CFAP54: variants seen among roughly 807,000 people sequenced by gnomAD.
CFAP54 encodes the protein cilia- and flagella-associated protein 54.
Under a neutral mutation model 370.4 loss-of-function variants are expected in CFAP54, and 290 were observed. The observed-to-expected ratio is 0.78, with a 90% CI of 0.71 to 0.86. The LOEUF (loss-of-function observed/expected upper bound fraction) is 0.86, where lower values mean the gene tolerates loss of function less well. CFAP54 is among the 40% of genes least tolerant of loss of function. The pLI is 0.00. For synonymous variants in CFAP54, 1,206 were observed against 1,236.5 expected (o/e 0.98, Z 0.52); for missense variants, 3,399 against 3,528.7 (o/e 0.96, Z 0.93).
intron 39 of CFAP54, among the ~76,000 whole-genome samples, chr12:96,673,432 G>C (rs185146695): frequency 1.2e-4 from 18 of 152,304 alleles, no homozygotes; most frequent in Admixed American, 1.2e-3. Context: ...TACTGTGATA[G>C]TGTGGTAATT....
At chr12:96,819,472 G>A (rs1430866765) in intron 65 of CFAP54, among the ~76,000 whole-genome samples, 1 of 152,124 alleles carries the variant, frequency 6.6e-6, no homozygotes, top group Non-Finnish European at 1.5e-5. Context: ...AGAAATTATT[G>A]TTTTTTCTGG....
At chr12:96,694,047 T>G (rs1957415131) in intron 45 of CFAP54, among the ~76,000 whole-genome samples, 1 of 152,200 alleles carries the variant, frequency 6.6e-6, no homozygotes. Flanking sequence ...GAAATAAGGC[T>G]CACCCAACAC....
chr12:96,526,078 C>G (rs1955377562), intron 8 of CFAP54, among the ~76,000 whole-genome samples: 1 of 152,162 alleles, frequency 6.6e-6, no homozygotes, highest in South Asian at 2.1e-4. Flanking sequence ...GAAAGTAGTT[C>G]AAGGCAACTT....
At chr12:96,779,461 A>C (rs905386352) in intron 60 of CFAP54, among the ~76,000 whole-genome samples, 1 of 151,948 alleles carries the variant, frequency 6.6e-6, no homozygotes, top group Non-Finnish European at 1.5e-5. Flanking sequence ...CTATGAATAT[A>C]TTTGTATGTG....
intron 38 of CFAP54, among the ~76,000 whole-genome samples, chr12:96,659,496 A>G (rs555078587): frequency 1.2e-4 from 18 of 152,224 alleles, no homozygotes; most frequent in African/African-American, 3.9e-4. Context: ...GAAGAAAAAA[A>G]TAACTTTCAG....
chr12:96,656,717 T>G (rs1184666517), intron 36 of CFAP54, among the ~76,000 whole-genome samples: 3 of 152,196 alleles, frequency 2.0e-5, no homozygotes, highest in African/African-American at 7.2e-5. Context: ...TATTAGATAA[T>G]GTAATAACTA....
intron 67 of CFAP54, among the ~76,000 whole-genome samples, chr12:96,867,160 A>G (rs576204248): frequency 6.6e-6 from 1 of 152,202 alleles, no homozygotes; most frequent in East Asian, 1.9e-4. Context: ...TCTCTTTTTC[A>G]TAGACACATT....
intron 59 of CFAP54, among the ~76,000 whole-genome samples, chr12:96,764,461 A>G (rs1173690973): frequency 6.6e-6 from 1 of 152,122 alleles, no homozygotes; most frequent in African/African-American, 2.4e-5. Flanking sequence ...CATCTCTACA[A>G]AAAATTTAAA....
At chr12:96,868,183 C>T (rs994702411) in intron 67 of CFAP54, among the ~76,000 whole-genome samples, 3 of 152,106 alleles carry the variant, frequency 2.0e-5, no homozygotes, top group Non-Finnish European at 4.4e-5. Flanking sequence ...CACACTCATT[C>T]TATTTTGCAC....
chr12:96,729,126 G>C (rs55634348), intron 50 of CFAP54, among the ~76,000 whole-genome samples: 35,740 of 151,754 alleles, frequency 0.24, 4,348 homozygotes, highest in South Asian at 0.29. Context: ...CGGGGGTCAG[G>C]GGTCGGGGAC....
chr12:96,680,028 T>C (rs1001032756), intron 40 of CFAP54, among the ~76,000 whole-genome samples: 7 of 152,234 alleles, frequency 4.6e-5, no homozygotes, highest in Non-Finnish European at 8.8e-5. Context: ...TCTGTACATT[T>C]ATGTTCTTCT....
intron 26 of CFAP54, among the ~76,000 whole-genome samples, chr12:96,603,625 C>T (rs959657584): frequency 1.3e-5 from 2 of 152,188 alleles, no homozygotes; most frequent in Non-Finnish European, 2.9e-5. Flanking sequence ...TTCACATAGT[C>T]CCATATTTCT....
intron 32 of CFAP54, among the ~76,000 whole-genome samples, chr12:96,643,240 A>T (rs1232985642): frequency 6.6e-6 from 1 of 152,248 alleles, no homozygotes; most frequent in Non-Finnish European, 1.5e-5. Context: ...AAAGCAAATC[A>T]TCAATAAACT....
At chr12:96,552,672 G>A (rs921141641) in intron 15 of CFAP54, among the ~76,000 whole-genome samples, 2 of 152,102 alleles carry the variant, frequency 1.3e-5, no homozygotes, top group Non-Finnish European at 2.9e-5. Flanking sequence ...ATGTCCATTG[G>A]CAGAAGAGTG....
intron 63 of CFAP54, among the ~76,000 whole-genome samples, chr12:96,801,361 T>C (rs1481770779): frequency 6.6e-6 from 1 of 152,204 alleles, no homozygotes; most frequent in Non-Finnish European, 1.5e-5. Context: ...CATTACAAGC[T>C]ATTCATTGGA....
At position 96,718,422 on chromosome 12, in the gene CFAP54, CA is replaced by C; in HGVS notation, c.6725-17del. 1 of 1,262,414 alleles carries C rather than the reference CA, an allele frequency of 7.9e-7. No individual in the cohort carries two copies. The highest frequency in any genetic ancestry group is 1.5e-5 in the African/African-American group (1 of 67,390). The allele number at this position is 1,262,414 out of a possible 1,614,324, so 78.2% of individuals were successfully genotyped here. ...TAACCATAGATATCCTTGGTCCTTC[CA>C]AAATTTTGTGTCTTTATAGAGATAT... On this transcript the variant is annotated intron_variant, in intron 48 of 67. Transcript: ENST00000524981.
intron 5 of CFAP54, among the ~76,000 whole-genome samples, chr12:96,513,717 TG>T (rs1489113068): frequency 6.6e-6 from 1 of 151,972 alleles, no homozygotes; most frequent in East Asian, 1.9e-4. Context: ...CACTCTAGCC[TG>T]GGTGACAGAG....
intron 65 of CFAP54, among the ~76,000 whole-genome samples, chr12:96,825,806 TATA>T (rs1298621741): frequency 7.7e-6 from 1 of 130,292 alleles, no homozygotes; most frequent in Non-Finnish European, 1.5e-5. Context: ...TATTACATAT[TATA>T]ATATATAAAT....
chr12:96,753,774 G>A lies in CFAP54; in HGVS notation c.7716G>A (p.Lys2572=), dbSNP rs1448320068. ...CAGTGGCCAAGCAAGTATATTACAA[G>A]AATAAAAGGAAGGACCCCTCGAAGT... is the stretch of plus-strand genomic sequence containing the variant. The part of the protein sequence containing the change: ...GHTVAKQVYY[K]NKRKDPSKWL... Residue 2572 remains lysine, a synonymous_variant, in exon 56 of 68, where the codon AAG becomes AAA. Coordinates refer to ENST00000524981, the MANE Select transcript of CFAP54 (RefSeq NM_001306084.2). The A allele has an allele frequency of 1.2e-6, 2 of 1,613,808 alleles. No individual in the cohort carries two copies. The highest frequency in any genetic ancestry group is 2.2e-5 in the East Asian group (1 of 44,866).
Sources: allele counts gnomAD v4.1 joint callset (sites outside exome capture counted in the v4.1 genomes callset), GRCh38; gene constraint gnomAD v4.1.1; transcripts MANE v1.5; gene names NCBI Gene and HGNC (gene_info 2026-07-23, HGNC 2026-07-21).